The following EFCAB11 variants were observed in gnomAD, a reference collection of about 807,000 sequenced individuals.
EFCAB11 encodes EF-hand calcium binding domain 11.
In EFCAB11, 14 loss-of-function variants were observed where a neutral mutation model predicts 23.0. The ratio of observed to expected loss-of-function variants is 0.61; its 90% CI spans 0.40 to 0.95. The LOEUF is 0.95. EFCAB11 is among the 40% of genes least tolerant of loss of function. EFCAB11 has a pLI of 0.00. For synonymous variants in EFCAB11, 65 were observed against 66.6 expected, an observed-to-expected ratio of 0.98 and a Z score of 0.11; for missense variants, 198 against 195.8, an observed-to-expected ratio of 1.01 and a Z score of -0.07.
intron 1 of EFCAB11, 151 bp downstream of exon 1, chr14:89,954,435 G>A (rs1287583288): frequency 3.9e-6 from 6 of 1,536,978 alleles, no homozygotes; most frequent in South Asian, 1.2e-5. Flanking sequence ...GAGCCCTGCA[G>A]CTCCAGGATC....
intron 2 of EFCAB11, 149 bp downstream of exon 2, chr14:89,953,757 A>G (rs888872880): frequency 6.8e-6 from 4 of 590,776 alleles, no homozygotes; most frequent in African/African-American, 5.6e-5. Flanking sequence ...TGAGGTGTTA[A>G]GAGGAAGCTA....
intron 1 of EFCAB11, 66 bp downstream of exon 1, chr14:89,954,520 G>C (rs938936835): frequency 6.3e-6 from 10 of 1,591,396 alleles, no homozygotes; most frequent in African/African-American, 4.0e-5. Context: ...ACCCAGACAC[G>C]GGAGAGGAAG....
chr14:89,904,768 T>C (rs992016290), intron 5 of EFCAB11, among the ~76,000 whole-genome samples: 3 of 152,244 alleles, frequency 2.0e-5, no homozygotes, highest in African/African-American at 7.2e-5. Flanking sequence ...GCTGCATAAA[T>C]ATCTTCTTTT....
At chr14:89,883,888 A>G (rs1050525518) in intron 5 of EFCAB11, among the ~76,000 whole-genome samples, 2 of 152,212 alleles carry the variant, frequency 1.3e-5, no homozygotes, top group Non-Finnish European at 2.9e-5. Flanking sequence ...GCTACTCAAG[A>G]GATGGAGGTG....
chr14:89,815,484 T>A (rs1247248459), intron 5 of EFCAB11, among the ~76,000 whole-genome samples: 2 of 151,870 alleles, frequency 1.3e-5, no homozygotes, highest in Non-Finnish European at 2.9e-5. Flanking sequence ...TGGAGTGCAG[T>A]GGTGTGATCT....
chr14:89,928,797 TTA>T lies in EFCAB11; in HGVS notation c.410+2742_410+2743del, dbSNP rs1421610540. The stretch of plus-strand genomic sequence containing the variant: ...TATATAATTAAATAAATGCAATTAA[TTA>T]TATATTATAGATTACATATATAATT... On this transcript the variant is annotated intron_variant, in intron 5 of 5. Transcript: ENST00000316738. Among the ~76,000 whole-genome samples, 33 of 147,552 alleles carry T rather than the reference TTA, an allele frequency of 2.2e-4. No individual in the cohort carries two copies. In the East Asian group the frequency reaches 6.2e-3, roughly 28 times the overall value.
intron 5 of EFCAB11, among the ~76,000 whole-genome samples, chr14:89,911,119 G>GCC (rs1889661677): frequency 6.6e-6 from 1 of 152,150 alleles, no homozygotes; most frequent in Non-Finnish European, 1.5e-5. Context: ...TTTAAAGCAA[G>GCC]CTAGTAAAAT....
chr14:89,923,734 A>G, intron 5 of EFCAB11: 1 of 985,406 alleles, frequency 1.0e-6, no homozygotes. Context: ...ATCTTACTGA[A>G]GTTGCATGAT....
intron 5 of EFCAB11, among the ~76,000 whole-genome samples, chr14:89,911,934 G>A (rs1889693053): frequency 6.6e-6 from 1 of 152,158 alleles, no homozygotes; most frequent in Non-Finnish European, 1.5e-5. Context: ...CTAACAACCT[G>A]TCATTATCTT....
chr14:89,858,098 A>T (rs1887810554), intron 5 of EFCAB11, among the ~76,000 whole-genome samples: 1 of 152,170 alleles, frequency 6.6e-6, no homozygotes, highest in African/African-American at 2.4e-5. Flanking sequence ...TCAAGAGTAG[A>T]GCCTGACAGC....
At chr14:89,834,151 G>C (rs1360091076) in intron 5 of EFCAB11, among the ~76,000 whole-genome samples, 1 of 151,050 alleles carries the variant, frequency 6.6e-6, no homozygotes, top group East Asian at 1.9e-4. Flanking sequence ...TCAGGAGATA[G>C]AGACCACAAG....
At chr14:89,837,772 C>T (rs1049431788) in intron 5 of EFCAB11, among the ~76,000 whole-genome samples, 1 of 151,876 alleles carries the variant, frequency 6.6e-6, no homozygotes, top group South Asian at 2.1e-4. Context: ...GACATGGGGT[C>T]TGAGGTTTCT....
intron 4 of EFCAB11, among the ~76,000 whole-genome samples, 181 bp downstream of exon 4, chr14:89,932,345 G>A (rs373352637): frequency 2.5e-4 from 38 of 152,066 alleles, no homozygotes; most frequent in African/African-American, 8.9e-4. Flanking sequence ...TTCATCTATG[G>A]TAAATGTCAA....
chr14:89,924,401 C>T (rs993549588), intron 5 of EFCAB11: 2 of 1,281,306 alleles, frequency 1.6e-6, no homozygotes, highest in Non-Finnish European at 2.0e-6. Flanking sequence ...TGGGTCAGGG[C>T]ATGGACCTTA....
chr14:89,914,391 C>G (rs1889773248), intron 5 of EFCAB11, among the ~76,000 whole-genome samples: 1 of 152,198 alleles, frequency 6.6e-6, no homozygotes, highest in Admixed American at 6.5e-5. Flanking sequence ...TCCGTTATCT[C>G]AGGTGATGTT....
At chr14:89,900,227 G>A in intron 5 of EFCAB11, among the ~76,000 whole-genome samples, 1 of 151,748 alleles carries the variant, frequency 6.6e-6, no homozygotes, top group African/African-American at 2.4e-5. Context: ...ATTTATATAA[G>A]GTATAAAAAT....
chr14:89,854,334 C>T (rs1380546130), intron 5 of EFCAB11, among the ~76,000 whole-genome samples: 4 of 152,058 alleles, frequency 2.6e-5, no homozygotes, highest in Non-Finnish European at 5.9e-5. Context: ...GAGAGGTGCC[C>T]GCATCCTACA....
chr14:89,858,417 T>A (rs1264894313), intron 5 of EFCAB11, among the ~76,000 whole-genome samples: 1 of 152,120 alleles, frequency 6.6e-6, no homozygotes. Context: ...ATCAGCTGAG[T>A]GTCAGGGAAA....
chr14:89,899,049 A>G lies in EFCAB11; in HGVS notation c.410+32492T>C, dbSNP rs144735666. ...CTTCGGATGATGACAATGTCCACAA[A>G]CTCTACGGAGAGAATGAAATATTAA... On this transcript the variant is annotated intron_variant, in intron 5 of 5. Transcript: ENST00000316738. Among the ~76,000 whole-genome samples the G allele has an allele frequency of 3.2e-3, 485 of 152,160 alleles. 5 individuals are homozygous for G. Among genetic ancestry groups the G allele is most frequent in the African/African-American group, 0.011 (465 of 41,524 alleles).
Sources: gnomAD v4.1 joint callset for allele counts (sites outside exome capture counted in the v4.1 genomes callset) on GRCh38, gnomAD v4.1.1 for gene constraint, MANE v1.5 for transcripts, NCBI Gene and HGNC (gene_info 2026-07-23, HGNC 2026-07-21) for gene names.